The following RBFOX1 variants were observed in gnomAD, a reference collection of about 807,000 sequenced individuals.
The protein encoded by RBFOX1 is RNA binding fox-1 homolog 1.
Under a neutral mutation model 57.7 loss-of-function variants are expected in RBFOX1, and 8 were observed. That is an observed-to-expected ratio of 0.14 (90% CI 0.08 to 0.25). The LOEUF (loss-of-function observed/expected upper bound fraction) is 0.25, where lower values mean the gene tolerates loss of function less well. RBFOX1 is among the 10% of genes least tolerant of loss of function. The probability of loss-of-function intolerance (pLI) is 1.00; values close to 1 mark genes in which losing one functional copy is unlikely to be tolerated. For missense variants in RBFOX1, 611 were observed against 548.5 expected (o/e 1.11, Z -1.14); for synonymous variants, 326 against 222.4 (o/e 1.47, Z -4.15).
At chr16:6,855,371 G>T (rs2057646953) in intron 3 of RBFOX1, among the ~76,000 whole-genome samples, 1 of 152,056 alleles carries the variant, frequency 6.6e-6, no homozygotes, top group Non-Finnish European at 1.5e-5. Flanking sequence ...AGAGATCTTG[G>T]CCGGGCGCAG....
At chr16:7,055,554 CCTT>C (rs2051882892) in intron 4 of RBFOX1, among the ~76,000 whole-genome samples, 1 of 152,102 alleles carries the variant, frequency 6.6e-6, no homozygotes. Context: ...AGGAGTTTCT[CCTT>C]CACACGTCTT....
chr16:5,462,599 A>G (rs890088911), intron 1 of RBFOX1, among the ~76,000 whole-genome samples: 1 of 152,210 alleles, frequency 6.6e-6, no homozygotes, highest in African/African-American at 2.4e-5. Flanking sequence ...TTGAACTACC[A>G]AATTCCTAAA....
intron 3 of RBFOX1, among the ~76,000 whole-genome samples, chr16:6,686,105 T>TGCA (rs1014600594): frequency 3.3e-5 from 5 of 152,136 alleles, no homozygotes; most frequent in African/African-American, 4.8e-5. Flanking sequence ...ATTTCAACCG[T>TGCA]GCAGCAGCAG....
At chr16:6,861,496 G>A (rs1199650039) in intron 3 of RBFOX1, among the ~76,000 whole-genome samples, 1 of 56,894 alleles carries the variant, frequency 1.8e-5, no homozygotes, top group African/African-American at 4.4e-5. Context: ...CTCCCCCCCC[G>A]ACTCAATTAC....
chr16:6,884,314 T>A lies in RBFOX1; in HGVS notation c.-15-167743T>A, dbSNP rs141269582. On this transcript the variant is annotated intron_variant, in intron 3 of 15. Coordinates refer to ENST00000550418, the MANE Select transcript of RBFOX1 (RefSeq NM_018723.4). Reference sequence around the variant, plus strand: ...GTGAAGCAACTGCAGCTCTGAGCCTTGCTTAACCAGGGCTGGGGACCTGGC... The same window carrying A: ...GTGAAGCAACTGCAGCTCTGAGCCTAGCTTAACCAGGGCTGGGGACCTGGC... Among the ~76,000 whole-genome samples the A allele has an allele frequency of 3.7e-3, 571 of 152,282 alleles. 5 individuals carry two copies. The highest frequency in any genetic ancestry group is 0.013 in the African/African-American group (547 of 41,566).
chr16:6,980,714 C>T (rs978519240), intron 3 of RBFOX1, among the ~76,000 whole-genome samples: 9 of 152,182 alleles, frequency 5.9e-5, no homozygotes, highest in African/African-American at 2.2e-4. Context: ...GGAGCAATGT[C>T]ATCAAAGGAG....
At chr16:5,664,456 ACAAT>A (rs928148371) in intron 3 of RBFOX1, among the ~76,000 whole-genome samples, 1 of 152,138 alleles carries the variant, frequency 6.6e-6, no homozygotes, top group African/African-American at 2.4e-5. Flanking sequence ...GCTGAGGCAG[ACAAT>A]CAATTGAACC....
chr16:5,485,782 C>G (rs1360196731), intron 2 of RBFOX1, among the ~76,000 whole-genome samples: 1 of 152,128 alleles, frequency 6.6e-6, no homozygotes, highest in African/African-American at 2.4e-5. Flanking sequence ...GTGAGTGTGC[C>G]CCCTGTCTGG....
At chr16:7,100,922 G>A (rs944696193) in intron 4 of RBFOX1, among the ~76,000 whole-genome samples, 8 of 152,142 alleles carry the variant, frequency 5.3e-5, no homozygotes, top group Non-Finnish European at 7.4e-5. Flanking sequence ...GCAAGTACAA[G>A]GGATTTTTTT....
intron 13 of RBFOX1, among the ~76,000 whole-genome samples, chr16:7,671,963 T>A (rs2071593288): frequency 1.3e-5 from 2 of 152,192 alleles, no homozygotes; most frequent in South Asian, 2.1e-4. Flanking sequence ...TCAGTATAAA[T>A]CCAATGAAAA....
chr16:6,891,862 G>A (rs117781840), intron 3 of RBFOX1, among the ~76,000 whole-genome samples: 1,881 of 152,274 alleles, frequency 0.012, 22 homozygotes, highest in Non-Finnish European at 0.02. Flanking sequence ...TTAGTGGACA[G>A]CAAGGCCAGC....
chr16:6,555,873 TAGTCAA>T (rs2097090994), intron 2 of RBFOX1, among the ~76,000 whole-genome samples: 4 of 152,184 alleles, frequency 2.6e-5, no homozygotes, highest in Non-Finnish European at 5.9e-5. Context: ...GTCTGGTTAT[TAGTCAA>T]TTCTCATTAA....
intron 10 of RBFOX1, among the ~76,000 whole-genome samples, chr16:7,610,515 A>G (rs1186411752): frequency 6.6e-6 from 1 of 152,106 alleles, no homozygotes; most frequent in African/African-American, 2.4e-5. Context: ...AGCTGCCACC[A>G]CCACCACCAT....
chr16:5,432,515 C>A (rs572833), intron 1 of RBFOX1, among the ~76,000 whole-genome samples: 2,461 of 142,170 alleles, frequency 0.017, 75 homozygotes, highest in African/African-American at 0.061. Context: ...CCCAATTTAT[C>A]GTCTTACCTT....
chr16:6,945,587 T>C (rs889945693), intron 3 of RBFOX1, among the ~76,000 whole-genome samples: 2 of 152,132 alleles, frequency 1.3e-5, no homozygotes, highest in Non-Finnish European at 2.9e-5. Context: ...TGTTTATTTT[T>C]GTATCAGAAT....
chr16:7,279,572 A>C (rs1027519769), intron 4 of RBFOX1, among the ~76,000 whole-genome samples: 1 of 152,156 alleles, frequency 6.6e-6, no homozygotes, highest in Admixed American at 6.5e-5. Flanking sequence ...ACTATATTAT[A>C]GCCAGGGCCA....
intron 3 of RBFOX1, among the ~76,000 whole-genome samples, chr16:6,963,944 C>T (rs947363343): frequency 8.5e-5 from 13 of 152,082 alleles, no homozygotes; most frequent in Middle Eastern, 3.4e-3. Context: ...ATGATCCACC[C>T]GCCTCGGCCT....
At chr16:5,822,647 A>G (rs536149490) in intron 3 of RBFOX1, among the ~76,000 whole-genome samples, 3 of 152,308 alleles carry the variant, frequency 2.0e-5, no homozygotes, top group South Asian at 4.1e-4. Context: ...CAATGCTGCT[A>G]CAAGAATTAC....
At chr16:6,291,949 ATGTGTGTG>A (rs112285049) in intron 1 of RBFOX1, among the ~76,000 whole-genome samples, 4 of 149,444 alleles carry the variant, frequency 2.7e-5, no homozygotes, top group Non-Finnish European at 6.0e-5. Flanking sequence ...GTTGGAATGA[ATGTGTGTG>A]TGTGTGTGTG....
Sources: allele counts gnomAD v4.1 joint callset (sites outside exome capture counted in the v4.1 genomes callset), GRCh38; gene constraint gnomAD v4.1.1; transcripts MANE v1.5; gene names NCBI Gene and HGNC (gene_info 2026-07-23, HGNC 2026-07-21).